EXOC6B: variants seen among roughly 807,000 people sequenced by gnomAD.
The protein encoded by EXOC6B is SEC15 homolog B.
Under a neutral mutation model 113.5 loss-of-function variants are expected in EXOC6B, and 54 were observed. That is an observed-to-expected ratio of 0.48 (90% CI 0.38 to 0.60). The LOEUF (loss-of-function observed/expected upper bound fraction) is 0.60. Ranked by LOEUF, EXOC6B falls within the 20% of genes least tolerant of loss-of-function variation. The pLI is 0.00. For synonymous variants in EXOC6B, 357 were observed against 339.0 expected (o/e 1.05, Z -0.58); for missense variants, 797 against 977.5 (o/e 0.82, Z 2.46).
At chr2:72,665,760 C>T (rs1675345764) in intron 6 of EXOC6B, among the ~76,000 whole-genome samples, 1 of 152,114 alleles carries the variant, frequency 6.6e-6, no homozygotes, top group Non-Finnish European at 1.5e-5. Context: ...AATACGTAGC[C>T]CACAGACTCT....
At chr2:72,630,889 G>A (rs1423717648) in intron 6 of EXOC6B, among the ~76,000 whole-genome samples, 1 of 152,106 alleles carries the variant, frequency 6.6e-6, no homozygotes, top group African/African-American at 2.4e-5. Context: ...GGAGGAAGTA[G>A]CAATATGAGT....
intron 20 of EXOC6B, among the ~76,000 whole-genome samples, chr2:72,240,703 T>C (rs1448610290): frequency 6.6e-6 from 1 of 152,212 alleles, no homozygotes; most frequent in African/African-American, 2.4e-5. Flanking sequence ...AGGAGTGTTA[T>C]ATGCTACTAT....
At position 72,179,133 on chromosome 2, in the gene EXOC6B, C is replaced by T. The variant is rs1041654555; in HGVS notation, c.*202G>A. 23 of 565,832 alleles carry T rather than the reference C, an allele frequency of 4.1e-5. No homozygotes were observed. Among genetic ancestry groups the T allele is most frequent in the Non-Finnish European group, 6.8e-5 (23 of 336,486 alleles). The allele number at this position is 565,832 out of a possible 1,614,324, so 35.1% of individuals were successfully genotyped here. On this transcript the variant is annotated 3_prime_UTR_variant, in exon 22 of 22. Coordinates refer to ENST00000272427, the MANE Select transcript of EXOC6B (RefSeq NM_015189.3). ...AGTAATAACTTCCCCTGAGTCCCAG[C>T]CTAGCAACATCTCATGTACTTGCTT...
At position 72,627,556 on chromosome 2, in the gene EXOC6B, A is replaced by G. The variant is rs145802703; in HGVS notation, c.670-51888T>C. 8.4e-4 allele frequency among the ~76,000 whole-genome samples: 128 copies of G among 152,336 alleles called. 1 individual carries two copies. Among genetic ancestry groups the G allele is most frequent in the African/African-American group, 2.8e-3 (115 of 41,564 alleles). ...TTATATTTTTATATTCAAAGAAAAA[A>G]TCAATAAAGTTAATAATAAAAGTTC... On this transcript the variant is annotated intron_variant, in intron 6 of 21. Coordinates refer to ENST00000272427, the MANE Select transcript of EXOC6B (RefSeq NM_015189.3).
At chr2:72,671,803 G>GAA (rs748926078) in intron 6 of EXOC6B, among the ~76,000 whole-genome samples, 1 of 116,568 alleles carries the variant, frequency 8.6e-6, no homozygotes, top group African/African-American at 3.0e-5. Context: ...AAGAAAGAAA[G>GAA]AAAGAAAGAA....
intron 7 of EXOC6B, among the ~76,000 whole-genome samples, chr2:72,571,058 C>G (rs2103789625): frequency 6.6e-6 from 1 of 152,266 alleles, no homozygotes; most frequent in South Asian, 2.1e-4. Flanking sequence ...TGAGGGCTTC[C>G]TTGCATTTTA....
intron 19 of EXOC6B, among the ~76,000 whole-genome samples, chr2:72,361,193 C>T (rs567202929): frequency 1.8e-4 from 28 of 152,202 alleles, no homozygotes; most frequent in Non-Finnish European, 3.5e-4. Context: ...GGGAAAACTG[C>T]GTGGTTATGC....
intron 18 of EXOC6B, among the ~76,000 whole-genome samples, chr2:72,447,799 G>A (rs550880709): frequency 6.6e-6 from 1 of 152,090 alleles, no homozygotes; most frequent in African/African-American, 2.4e-5. Flanking sequence ...ATGAATTGGG[G>A]GATCCAATTA....
At chr2:72,310,909 A>T (rs1489351782) in intron 20 of EXOC6B, among the ~76,000 whole-genome samples, 4 of 151,540 alleles carry the variant, frequency 2.6e-5, no homozygotes, top group South Asian at 2.1e-4. Context: ...TTAATATTAT[A>T]GCCATTTTCA....
intron 8 of EXOC6B, among the ~76,000 whole-genome samples, chr2:72,553,378 A>G (rs1703348764): frequency 1.3e-5 from 2 of 152,110 alleles, no homozygotes; most frequent in African/African-American, 4.8e-5. Context: ...TTCTTCCAAA[A>G]TGTAACTACA....
chr2:72,258,271 G>A (rs1217183453), intron 20 of EXOC6B, among the ~76,000 whole-genome samples: 1 of 150,578 alleles, frequency 6.6e-6, no homozygotes, highest in East Asian at 2.0e-4. Flanking sequence ...GTTGATGTTT[G>A]TTTTATCTTG....
chr2:72,208,448 G>A (rs990656326), intron 20 of EXOC6B, among the ~76,000 whole-genome samples: 20 of 152,076 alleles, frequency 1.3e-4, no homozygotes, highest in African/African-American at 4.6e-4. Flanking sequence ...AGTATTCCAT[G>A]GTGTATATGT....
chr2:72,380,908 C>G (rs116640767), intron 18 of EXOC6B, among the ~76,000 whole-genome samples: 2,148 of 152,208 alleles, frequency 0.014, 66 homozygotes, highest in African/African-American at 0.049. Context: ...GTTTTAAAAA[C>G]ACTATGATCA....
intron 20 of EXOC6B, among the ~76,000 whole-genome samples, chr2:72,271,937 G>T (rs1261484058): frequency 6.6e-6 from 1 of 151,956 alleles, no homozygotes; most frequent in African/African-American, 2.4e-5. Context: ...CTCTCCATTT[G>T]GCCGTTTTTG....
chr2:72,652,660 T>C (rs60314340), intron 6 of EXOC6B, among the ~76,000 whole-genome samples: 32,445 of 148,914 alleles, frequency 0.22, 5,722 homozygotes, highest in African/African-American at 0.49. Context: ...AAGCATCTTA[T>C]ATAAATATAT....
intron 20 of EXOC6B, among the ~76,000 whole-genome samples, chr2:72,198,043 G>T (rs1157756099): frequency 6.6e-6 from 1 of 152,114 alleles, no homozygotes; most frequent in Admixed American, 6.5e-5. Flanking sequence ...TTCCCAGAGC[G>T]TTCTCTCATT....
At chr2:72,776,624 A>G (rs566318589) in intron 1 of EXOC6B, among the ~76,000 whole-genome samples, 2 of 152,240 alleles carry the variant, frequency 1.3e-5, no homozygotes, top group Non-Finnish European at 2.9e-5. Context: ...CTCAAAAAAA[A>G]AAAAGTTAAG....
At chr2:72,744,065 T>C (rs1486704725) in intron 1 of EXOC6B, among the ~76,000 whole-genome samples, 2 of 152,202 alleles carry the variant, frequency 1.3e-5, no homozygotes, top group Non-Finnish European at 1.5e-5. Flanking sequence ...CAGTATGTTA[T>C]AACTGCCTAC....
intron 5 of EXOC6B, among the ~76,000 whole-genome samples, chr2:72,722,773 T>G (rs1381773348): frequency 1.3e-5 from 2 of 152,188 alleles, no homozygotes; most frequent in Non-Finnish European, 2.9e-5. Context: ...GCCAAAAAGA[T>G]AAACACACTT....
Sources: allele counts gnomAD v4.1 joint callset (sites outside exome capture counted in the v4.1 genomes callset), GRCh38; gene constraint gnomAD v4.1.1; transcripts MANE v1.5; gene names NCBI Gene and HGNC (gene_info 2026-07-23, HGNC 2026-07-21).